The following GPHN variants were observed in gnomAD, a reference collection of about 807,000 sequenced individuals.
The protein encoded by GPHN is gephyrin.
GPHN carries 17 observed loss-of-function variants against 95.5 expected under a neutral mutation model. The observed-to-expected ratio is 0.18, with a 90% CI of 0.12 to 0.27. The LOEUF (loss-of-function observed/expected upper bound fraction) is 0.27, where lower values mean the gene tolerates loss of function less well. GPHN is among the 10% of genes least tolerant of loss of function. The pLI is 1.00. For synonymous variants in GPHN, 320 were observed against 322.5 expected (o/e 0.99, Z 0.08); for missense variants, 660 against 978.1 (o/e 0.67, Z 4.34).
At chr14:67,301,456 C>G in the GPHN span, 1 of 1,607,250 alleles carries the variant, frequency 6.2e-7, no homozygotes, top group Middle Eastern at 1.7e-4. Context: ...CTGAATACTC[C>G]ACATATTCAG....
chr14:66,902,487 C>T (rs1441119338), intron 5 of GPHN, among the ~76,000 whole-genome samples: 2 of 151,908 alleles, frequency 1.3e-5, no homozygotes, highest in Non-Finnish European at 1.5e-5. Flanking sequence ...TTTCAGTATG[C>T]TAGTAACTGT....
At chr14:67,596,532 G>A in the GPHN span, among the ~76,000 whole-genome samples, 1 of 152,016 alleles carries the variant, frequency 6.6e-6, no homozygotes, top group Non-Finnish European at 1.5e-5. Flanking sequence ...TTCCTTGAGG[G>A]CAGGAAGTGT....
intron 3 of GPHN, among the ~76,000 whole-genome samples, chr14:66,791,613 C>CT (rs2059972016): frequency 6.6e-6 from 1 of 152,176 alleles, no homozygotes; most frequent in Non-Finnish European, 1.5e-5. Flanking sequence ...CATTTGTAAA[C>CT]TGTCATGGCA....
chr14:66,918,805 T>A (rs111503385), intron 6 of GPHN, among the ~76,000 whole-genome samples: 1 of 152,142 alleles, frequency 6.6e-6, no homozygotes, highest in Non-Finnish European at 1.5e-5. Context: ...TCGGTCAAGG[T>A]TAAATTCTTT....
intron 18 of GPHN, among the ~76,000 whole-genome samples, chr14:67,147,052 A>G (rs1337567560): frequency 2.0e-5 from 3 of 152,162 alleles, no homozygotes; most frequent in Non-Finnish European, 4.4e-5. Flanking sequence ...AAACAAAACA[A>G]AAAAAACTAA....
the GPHN span, chr14:67,592,075 CAG>C: frequency 0.053 from 8,973 of 170,456 alleles, 501 homozygotes; most frequent in African/African-American, 0.15. Flanking sequence ...AGTAGACTGA[CAG>C]AGTCAAAGTA....
chr14:67,434,033 G>C, the GPHN span, among the ~76,000 whole-genome samples: 1 of 152,136 alleles, frequency 6.6e-6, no homozygotes, highest in East Asian at 1.9e-4. Flanking sequence ...AGCCACAGAT[G>C]GGGGAGAAAT....
chr14:66,924,208 C>G lies in GPHN; in HGVS notation c.744C>G (p.Tyr248Ter), dbSNP rs575826167. ...AAIAAKKHPF[Y>*]TSPAVVMAHG... is the part of the protein sequence containing the mutation. The stretch of plus-strand genomic sequence containing the variant: ...TTGTGCATTAGAAGCATCCATTCTA[C>G]ACCAGTCCTGCTGTTGTCATGGCAC... The change falls in exon 8 of 23, where the codon TAC becomes TAG. Residue 248 changes from tyrosine (Y) to a stop codon, truncating the protein, a stop_gained. Transcript: ENST00000478722. LOFTEE classifies it high-confidence loss of function. 6.3e-7 allele frequency: 1 copy of G among 1,599,844 alleles called. No individual in the cohort carries two copies. The highest frequency in any genetic ancestry group is 1.1e-5 in the South Asian group (1 of 90,784).
intron 2 of GPHN, among the ~76,000 whole-genome samples, chr14:66,747,293 AC>A (rs2058190428): frequency 6.6e-6 from 1 of 152,132 alleles, no homozygotes. Context: ...TATTGTTGAT[AC>A]AATTGTCAGG....
At chr14:67,349,199 G>A in the GPHN span, 9 of 1,172,794 alleles carry the variant, frequency 7.7e-6, no homozygotes, top group Non-Finnish European at 1.1e-5. Context: ...GAGACCAAGA[G>A]TGAGATGTCA....
the GPHN span, among the ~76,000 whole-genome samples, chr14:67,451,832 G>A: frequency 6.6e-6 from 1 of 152,178 alleles, no homozygotes; most frequent in Non-Finnish European, 1.5e-5. Flanking sequence ...ATTTTGAAAT[G>A]CGAAGATAGG....
intron 2 of GPHN, among the ~76,000 whole-genome samples, chr14:66,767,077 CTA>C (rs774458971): frequency 1.6e-4 from 25 of 152,028 alleles, no homozygotes; most frequent in South Asian, 1.0e-3. Context: ...ATTTTTCAAA[CTA>C]TGTGTTGAAA....
chr14:67,052,657 C>T (rs1396559042), intron 10 of GPHN, among the ~76,000 whole-genome samples: 1 of 152,176 alleles, frequency 6.6e-6, no homozygotes, highest in Non-Finnish European at 1.5e-5. Flanking sequence ...CTTCTTTGTG[C>T]CATATGGCAC....
At chr14:66,563,057 A>G (rs1389132439) in intron 1 of GPHN, among the ~76,000 whole-genome samples, 1 of 152,162 alleles carries the variant, frequency 6.6e-6, no homozygotes, top group African/African-American at 2.4e-5. Flanking sequence ...TATTCTGCCT[A>G]CAAACTATGC....
At chr14:66,742,986 C>CTT (rs33989074) in intron 2 of GPHN, among the ~76,000 whole-genome samples, 2 of 150,886 alleles carry the variant, frequency 1.3e-5, no homozygotes, top group South Asian at 2.1e-4. Context: ...GGATGCATTT[C>CTT]TTTTTTTTTA....
At chr14:67,504,356 A>G in the GPHN span, among the ~76,000 whole-genome samples, 1 of 152,226 alleles carries the variant, frequency 6.6e-6, no homozygotes, top group Non-Finnish European at 1.5e-5. Flanking sequence ...TACGTTCCTC[A>G]TGAGGATTAA....
At chr14:67,134,636 C>T (rs758768915) in intron 17 of GPHN, among the ~76,000 whole-genome samples, 19 of 152,266 alleles carry the variant, frequency 1.2e-4, no homozygotes, top group South Asian at 8.3e-4. Flanking sequence ...TGAAATGAGA[C>T]GCTGTCTTGT....
the GPHN span, chr14:67,561,869 CAAAAAAAAAAAAA>C: frequency 4.4e-5 from 33 of 756,950 alleles, no homozygotes; most frequent in East Asian, 9.3e-4. Flanking sequence ...GACCCTGTCT[CAAAAAAAAAAAAA>C]AAAAGAATTG....
chr14:66,784,645 T>C (rs975910851), intron 3 of GPHN, among the ~76,000 whole-genome samples: 3 of 152,186 alleles, frequency 2.0e-5, no homozygotes, highest in Non-Finnish European at 2.9e-5. Context: ...CTTGGAATGA[T>C]AAAATGTCAA....
Sources: gnomAD v4.1 joint callset for allele counts (sites outside exome capture counted in the v4.1 genomes callset) on GRCh38, gnomAD v4.1.1 for gene constraint, MANE v1.5 for transcripts, NCBI Gene and HGNC (gene_info 2026-07-23, HGNC 2026-07-21) for gene names.